Variants in MYMX observed in about 807,000 individuals in gnomAD.
MYMX encodes protein myomixer.
At chr6:44,214,120 G>A (rs138570735), upstream of MYMX, among the ~76,000 whole-genome samples, 488 of 152,328 alleles carry the variant, frequency 3.2e-3, no homozygotes, top group Non-Finnish European at 4.9e-3. Flanking sequence ...AGCAGGGAAA[G>A]GATCAGATTC....
chr6:44,215,474 G>T (rs2128331169), upstream of MYMX, among the ~76,000 whole-genome samples: 1 of 152,312 alleles, frequency 6.6e-6, no homozygotes, highest in South Asian at 2.1e-4. Context: ...CAACTCGGGA[G>T]ACTAAGGTGG....
At chr6:44,214,175 A>G (rs1775744611), upstream of MYMX, among the ~76,000 whole-genome samples, 1 of 152,210 alleles carries the variant, frequency 6.6e-6, no homozygotes, top group South Asian at 2.1e-4. Flanking sequence ...TGTGGAAAAG[A>G]GAAACAGGAA....
At chr6:44,193,472 G>C in the MYMX span, among the ~76,000 whole-genome samples, 1 of 152,098 alleles carries the variant, frequency 6.6e-6, no homozygotes, top group African/African-American at 2.4e-5. Flanking sequence ...GCACAGAATG[G>C]CTAATGACTT....
chr6:44,204,274 G>A, the MYMX span, among the ~76,000 whole-genome samples: 2 of 152,214 alleles, frequency 1.3e-5, no homozygotes, highest in South Asian at 4.1e-4. Flanking sequence ...GGCAGCTGGA[G>A]GTGGGGTGGA....
At chr6:44,211,830 G>C in the MYMX span, among the ~76,000 whole-genome samples, 47 of 150,170 alleles carry the variant, frequency 3.1e-4, no homozygotes, top group East Asian at 8.2e-3. Flanking sequence ...GTGTTTAGTA[G>C]AGAAAGGGTT....
chr6:44,209,924 A>C, the MYMX span: 20 of 121,026 alleles, frequency 1.7e-4, 1 homozygote, highest in Admixed American at 1.5e-3. Flanking sequence ...AAACAAAAAA[A>C]GTATATATAT....
At chr6:44,201,256 C>T in the MYMX span, among the ~76,000 whole-genome samples, 1,876 of 152,248 alleles carry the variant, frequency 0.012, 53 homozygotes, top group East Asian at 0.12. Flanking sequence ...CAGAAAGGCA[C>T]TGTGATTATG....
the MYMX span, among the ~76,000 whole-genome samples, chr6:44,195,541 A>G: frequency 6.6e-6 from 1 of 151,996 alleles, no homozygotes; most frequent in Admixed American, 6.6e-5. Context: ...ATTGTGGCTC[A>G]CTGCAGCCTC....
the MYMX span, among the ~76,000 whole-genome samples, chr6:44,207,167 C>T: frequency 4.0e-5 from 6 of 148,534 alleles, no homozygotes; most frequent in African/African-American, 2.5e-5. Context: ...AAGGTCTTTA[C>T]TTTTTTTTTT....
chr6:44,205,652 T>C, the MYMX span, among the ~76,000 whole-genome samples: 3 of 151,774 alleles, frequency 2.0e-5, no homozygotes, highest in Non-Finnish European at 4.4e-5. Context: ...CTACTAAAAA[T>C]ACAGAAATTA....
chr6:44,217,804 C>G lies in MYMX; in HGVS notation c.*78C>G, dbSNP rs1403223833. Reference sequence around the variant, plus strand: ...GGATAATCCTGGCACCAGCACTGACCGAAGCCTGCCCAGTGGACAGAAGAT... The same window carrying G: ...GGATAATCCTGGCACCAGCACTGACGGAAGCCTGCCCAGTGGACAGAAGAT... On this transcript the variant is annotated 3_prime_UTR_variant, in exon 2 of 2. Transcript: ENST00000573382. The G allele has an allele frequency of 2.5e-6, 1 of 400,300 alleles. No individual in the cohort carries two copies. Among genetic ancestry groups the G allele is most frequent in the African/African-American group, 2.1e-5 (1 of 48,704 alleles). The allele number at this position is 400,300 out of a possible 1,614,324, so 24.8% of individuals were successfully genotyped here.
chr6:44,212,994 T>G (rs912445107), upstream of MYMX, among the ~76,000 whole-genome samples: 1 of 151,992 alleles, frequency 6.6e-6, no homozygotes, highest in Non-Finnish European at 1.5e-5. Flanking sequence ...TACTCTAGCC[T>G]AGGAAACAGG....
the MYMX span, among the ~76,000 whole-genome samples, chr6:44,203,141 C>CA: frequency 6.6e-6 from 1 of 152,194 alleles, no homozygotes; most frequent in Non-Finnish European, 1.5e-5. Flanking sequence ...AGGGAGCCAT[C>CA]AGGGCCTGCC....
At chr6:44,211,772 C>T in the MYMX span, among the ~76,000 whole-genome samples, 4 of 104,680 alleles carry the variant, frequency 3.8e-5, no homozygotes, top group Non-Finnish European at 2.0e-5. Context: ...CACACGCCAC[C>T]ATGTCCAGCT....
the MYMX span, among the ~76,000 whole-genome samples, chr6:44,203,174 C>T: frequency 6.6e-6 from 1 of 152,170 alleles, no homozygotes; most frequent in South Asian, 2.1e-4. Context: ...GAGACTCTCT[C>T]CAGCTGTCTG....
chr6:44,193,307 C>A, the MYMX span, among the ~76,000 whole-genome samples: 1 of 151,884 alleles, frequency 6.6e-6, no homozygotes, highest in African/African-American at 2.4e-5. Context: ...CTCGCTCTGT[C>A]ACCCAGGCTG....
chr6:44,204,733 G>T, the MYMX span, among the ~76,000 whole-genome samples: 1 of 152,046 alleles, frequency 6.6e-6, no homozygotes, highest in South Asian at 2.1e-4. Flanking sequence ...ACCCCTAGAG[G>T]CCCCAAACCC....
the MYMX span, among the ~76,000 whole-genome samples, chr6:44,201,166 G>A: frequency 0.013 from 2,008 of 152,274 alleles, 41 homozygotes; most frequent in African/African-American, 0.045. Context: ...CCTCCAAAGC[G>A]CATCACCTCT....
the MYMX span, among the ~76,000 whole-genome samples, chr6:44,208,083 C>T: frequency 1.3e-5 from 2 of 151,896 alleles, no homozygotes; most frequent in Non-Finnish European, 1.5e-5. Context: ...CAAAAATTAT[C>T]CAGGCATGGT....
Sources: allele counts gnomAD v4.1 joint callset (sites outside exome capture counted in the v4.1 genomes callset), GRCh38; gene constraint gnomAD v4.1.1; transcripts MANE v1.5; gene names NCBI Gene and HGNC (gene_info 2026-07-23, HGNC 2026-07-21).